DOCK11: variants seen among roughly 807,000 people sequenced by gnomAD.
DOCK11 encodes the protein dedicator of cytokinesis 11, also known as dedicator of cytokinesis protein 11.
In DOCK11, 70 loss-of-function variants were observed where a neutral mutation model predicts 169.1. The ratio of observed to expected loss-of-function variants is 0.41; its 90% confidence interval spans 0.34 to 0.51. DOCK11 has a LOEUF of 0.51. DOCK11 is among the 20% of genes least tolerant of loss of function. The probability of loss-of-function intolerance (pLI) is 0.10; values close to 1 mark genes in which losing one functional copy is unlikely to be tolerated. For synonymous variants in DOCK11, 529 were observed against 541.3 expected, an observed-to-expected ratio of 0.98 and a Z score of 0.32; for missense variants, 1,166 against 1,538.8, an observed-to-expected ratio of 0.76 and a Z score of 4.05.
intron 40 of DOCK11, among the ~76,000 whole-genome samples, chrX:118,645,174 A>G (rs1311327221): frequency 9.0e-6 from 1 of 111,502 alleles, no homozygotes; most frequent in Non-Finnish European, 1.9e-5. Flanking sequence ...CCTTTGGGAC[A>G]TTAGGATATA....
intron 13 of DOCK11, among the ~76,000 whole-genome samples, chrX:118,579,616 T>C (rs1255508896): frequency 8.9e-6 from 1 of 111,851 alleles, no homozygotes; most frequent in Admixed American, 9.5e-5. Context: ...TATAGGCAGT[T>C]TATCTCCTTG....
chrX:118,581,570 G>A (rs1394047385), intron 14 of DOCK11, among the ~76,000 whole-genome samples: 4 of 110,195 alleles, frequency 3.6e-5, no homozygotes, highest in South Asian at 3.8e-4. Context: ...TTGGGAGGCC[G>A]AGGCGGGTGG....
At chrX:118,647,137 ATATG>A (rs763174529) in intron 40 of DOCK11, among the ~76,000 whole-genome samples, 835 of 68,797 alleles carry the variant, frequency 0.012, 2 homozygotes, top group Middle Eastern at 0.025. Context: ...TGTGAAGAGG[ATATG>A]TGTGTGTGTG....
At chrX:118,685,451 A>G (rs1362987592) in intron 52 of DOCK11, 2 of 306,588 alleles carry the variant, frequency 6.5e-6, no homozygotes, top group African/African-American at 5.4e-5. Flanking sequence ...TGCATTTTAC[A>G]GTCTTTGTTT....
chrX:118,558,201 G>C (rs1427593493), intron 6 of DOCK11, among the ~76,000 whole-genome samples: 1 of 110,029 alleles, frequency 9.1e-6, no homozygotes, highest in Non-Finnish European at 1.9e-5. Context: ...TTGAACTTCT[G>C]ACTTCAGATG....
chrX:118,555,643 G>A (rs778340281), intron 6 of DOCK11, among the ~76,000 whole-genome samples: 2 of 111,328 alleles, frequency 1.8e-5, no homozygotes, highest in Non-Finnish European at 1.9e-5. Flanking sequence ...GGTTGCCAAC[G>A]TAGTGGTAGG....
intron 5 of DOCK11, 92 bp downstream of exon 5, chrX:118,545,484 T>C (rs2012236602): frequency 1.5e-6 from 1 of 684,999 alleles, no homozygotes; most frequent in Non-Finnish European, 2.1e-6. Flanking sequence ...CTTGAGAAAA[T>C]ATGAAGGAAA....
At chrX:118,592,237 A>G (rs757733942) in intron 19 of DOCK11, among the ~76,000 whole-genome samples, 1 of 108,978 alleles carries the variant, frequency 9.2e-6, no homozygotes, top group Non-Finnish European at 1.9e-5. Flanking sequence ...GAACTAGTTT[A>G]CAGTCCCACC....
At chrX:118,497,561 C>G (rs993499008) in intron 1 of DOCK11, among the ~76,000 whole-genome samples, 2 of 111,793 alleles carry the variant, frequency 1.8e-5, no homozygotes, top group Non-Finnish European at 3.8e-5. Flanking sequence ...GTATTTCAGT[C>G]TGATTTTGGA....
At chrX:118,677,756 C>T (rs2016644246) in intron 48 of DOCK11, among the ~76,000 whole-genome samples, 1 of 112,280 alleles carries the variant, frequency 8.9e-6, no homozygotes, top group Non-Finnish European at 1.9e-5. Flanking sequence ...ATATGGCAAA[C>T]ACTCTCTACT....
At chrX:118,667,443 T>C (rs192104935) in intron 45 of DOCK11, among the ~76,000 whole-genome samples, 38 of 107,643 alleles carry the variant, frequency 3.5e-4, no homozygotes, top group African/African-American at 1.2e-3. Context: ...TTTTAAGACG[T>C]ACCATTTGGG....
intron 23 of DOCK11, among the ~76,000 whole-genome samples, chrX:118,601,173 C>T (rs2014325650): frequency 9.0e-6 from 1 of 111,321 alleles, no homozygotes; most frequent in Admixed American, 9.5e-5. Flanking sequence ...CCTGTAATCC[C>T]AGCACCTTGG....
At position 118,643,485 on chromosome X, in the gene DOCK11, A is replaced by G. The variant is rs1218311337; in HGVS notation, c.4289A>G (p.Asn1430Ser). 2.5e-6 allele frequency: 3 copies of G among 1,209,561 alleles called. No homozygotes were observed. The highest frequency in any genetic ancestry group is 2.4e-4 in the Middle Eastern group (1 of 4,156). The change falls in exon 40 of 53, where the codon AAC (asparagine) becomes AGC (serine). Residue 1430 changes from asparagine (N) to serine (S), a missense_variant. Physicochemically the swap from Asn to Ser is conservative, Grantham distance 46. Transcript: ENST00000276202. ...CAACTTTTAAATAATGATGGCCATA[A>G]CCCATTAATGAAAAAAGTGTTTGAT... Reference protein sequence around the residue: ...KTQLLNNDGHNPLMKKVFDIH... With the variant: ...KTQLLNNDGHSPLMKKVFDIH...
At chrX:118,618,294 GA>G (rs2014875501) in intron 30 of DOCK11, among the ~76,000 whole-genome samples, 2 of 110,675 alleles carry the variant, frequency 1.8e-5, no homozygotes, top group African/African-American at 3.3e-5. Context: ...GAATCTAGGG[GA>G]AAAAAAAGAA....
intron 1 of DOCK11, among the ~76,000 whole-genome samples, chrX:118,502,416 C>T (rs1186904045): frequency 1.8e-5 from 2 of 112,096 alleles, no homozygotes; most frequent in African/African-American, 6.5e-5. Flanking sequence ...CTTCACAAAG[C>T]CAAAGAGGCT....
At chrX:118,654,341 G>T (rs890686568) in intron 42 of DOCK11, among the ~76,000 whole-genome samples, 2 of 112,302 alleles carry the variant, frequency 1.8e-5, no homozygotes, top group African/African-American at 6.5e-5. Context: ...GAGGATCTGG[G>T]ATTCAAAGCC....
intron 24 of DOCK11, among the ~76,000 whole-genome samples, chrX:118,607,112 CTTTTTTTTTT>C (rs776058680): frequency 6.3e-5 from 4 of 63,001 alleles, no homozygotes; most frequent in Non-Finnish European, 6.2e-5. Context: ...TCCTTTCCTT[CTTTTTTTTTT>C]TTTTTTTTTT....
chrX:118,572,708 A>G (rs2013318870), intron 11 of DOCK11, among the ~76,000 whole-genome samples: 1 of 112,022 alleles, frequency 8.9e-6, no homozygotes, highest in Non-Finnish European at 1.9e-5. Flanking sequence ...TGAAAATTCC[A>G]GTGCCACATA....
chrX:118,624,509 C>A, intron 31 of DOCK11, 30 bp from the exon 32 acceptor site: 1 of 885,319 alleles, frequency 1.1e-6, no homozygotes, highest in Non-Finnish European at 1.7e-6. Flanking sequence ...ATATTATATA[C>A]GTATTAAGCT....
Sources: allele counts gnomAD v4.1 joint callset (sites outside exome capture counted in the v4.1 genomes callset), GRCh38; gene constraint gnomAD v4.1.1; transcripts MANE v1.5; gene names NCBI Gene and HGNC (gene_info 2026-07-23, HGNC 2026-07-21).